Variants in RARB observed in about 807,000 individuals in gnomAD.
RARB encodes HBV-activated protein.
In RARB, 17 loss-of-function variants were observed where a neutral mutation model predicts 51.9. The observed-to-expected ratio is 0.33, with a 90% CI of 0.22 to 0.49. The LOEUF (loss-of-function observed/expected upper bound fraction) is 0.49. Ranked by LOEUF, RARB falls within the 20% of genes least tolerant of loss-of-function variation. RARB has a pLI of 0.99. For synonymous variants in RARB, 215 were observed against 195.4 expected, an observed-to-expected ratio of 1.10 and a Z score of -0.84; for missense variants, 369 against 550.8, an observed-to-expected ratio of 0.67 and a Z score of 3.30.
At chr3:25,302,740 G>A (rs962444884) in intron 5 of RARB, among the ~76,000 whole-genome samples, 1 of 152,186 alleles carries the variant, frequency 6.6e-6, no homozygotes, top group African/African-American at 2.4e-5. Context: ...ACTATGAAAG[G>A]GTGAATTTTA....
At chr3:25,412,529 T>C (rs1412700863) in intron 5 of RARB, among the ~76,000 whole-genome samples, 1 of 152,242 alleles carries the variant, frequency 6.6e-6, no homozygotes, top group Non-Finnish European at 1.5e-5. Flanking sequence ...TTCTCCAACT[T>C]TCTCAGTTAT....
chr3:25,160,169 A>G (rs2125346051), intron 4 of RARB, among the ~76,000 whole-genome samples: 1 of 152,342 alleles, frequency 6.6e-6, no homozygotes, highest in African/African-American at 2.4e-5. Flanking sequence ...TCTATCATAT[A>G]TTATCTCTAG....
rs199516505 is a variant in RARB at position 24,990,125 on chromosome 3, C to CT, written c.-379-69988dup. Among the ~76,000 whole-genome samples the CT allele has an allele frequency of 4.0e-4, 35 of 87,654 alleles. 4 individuals carry two copies. The highest frequency in any genetic ancestry group is 5.1e-3 in the Middle Eastern group (1 of 198). The allele number at this position is 87,654 out of a possible 152,430, so 57.5% of individuals were successfully genotyped here. ...TTCTTTTTAATATAATGGAACTTTT[C>CT]TTTTTTTTTTTTGTTATTTCACTAT... On this transcript the variant is annotated intron_variant, in intron 2 of 11. Transcript: ENST00000383772.
In RARB at chr3:25,106,356, G is replaced by C. The variant is rs536423036; in HGVS notation, c.-327-25805G>C. Among the ~76,000 whole-genome samples, 16 of 146,532 alleles carry C rather than the reference G, an allele frequency of 1.1e-4. No individual in the cohort carries two copies. The South Asian group carries it at 3.5e-3, about 32-fold the overall frequency. On this transcript the variant is annotated intron_variant, in intron 3 of 11. Coordinates refer to the RARB transcript ENST00000383772. ...AGTGGTGCAATTGCAGCTCACTGCA[G>C]CCTTGACCCCTCAGATTCAGGTGAT...
chr3:25,176,980 G>A (rs1700767434), intron 5 of RARB, among the ~76,000 whole-genome samples: 7 of 152,146 alleles, frequency 4.6e-5, no homozygotes, highest in Admixed American at 4.6e-4. Flanking sequence ...TTTTTCTTGA[G>A]GGCCTTGTAA....
chr3:25,366,842 C>G (rs1400497183), intron 5 of RARB, among the ~76,000 whole-genome samples: 1 of 152,120 alleles, frequency 6.6e-6, no homozygotes, highest in African/African-American at 2.4e-5. Flanking sequence ...TGTTCATGGG[C>G]CTCATTTTAC....
intron 5 of RARB, among the ~76,000 whole-genome samples, chr3:25,418,820 T>G (rs919445752): frequency 6.6e-6 from 1 of 152,056 alleles, no homozygotes; most frequent in African/African-American, 2.4e-5. Context: ...AAAGGATTAT[T>G]TCTGAAGGCA....
intron 2 of RARB, among the ~76,000 whole-genome samples, chr3:24,902,918 G>C (rs1426712896): frequency 6.6e-6 from 1 of 152,004 alleles, no homozygotes; most frequent in Non-Finnish European, 1.5e-5. Flanking sequence ...GAAAGTATTT[G>C]ATTATCTTTA....
At chr3:25,131,298 T>A (rs1158275460) in intron 3 of RARB, among the ~76,000 whole-genome samples, 1 of 152,042 alleles carries the variant, frequency 6.6e-6, no homozygotes, top group African/African-American at 2.4e-5. Context: ...TCATTTTGTG[T>A]TTAGCTGGAG....
intron 2 of RARB, among the ~76,000 whole-genome samples, chr3:24,880,665 T>C (rs945405720): frequency 2.6e-5 from 4 of 152,140 alleles, no homozygotes; most frequent in Non-Finnish European, 4.4e-5. Flanking sequence ...GTAAGAATTT[T>C]CTTCATAGAC....
intron 5 of RARB, among the ~76,000 whole-genome samples, chr3:25,397,271 C>T (rs1381836640): frequency 6.6e-6 from 1 of 152,150 alleles, no homozygotes; most frequent in African/African-American, 2.4e-5. Flanking sequence ...ATTTGTTTGA[C>T]TTCTAGGTAA....
At chr3:25,236,703 A>G (rs937140677) in intron 5 of RARB, among the ~76,000 whole-genome samples, 2 of 152,078 alleles carry the variant, frequency 1.3e-5, no homozygotes, top group Non-Finnish European at 2.9e-5. Context: ...ACATTAATGT[A>G]TGTCTGCTGC....
At chr3:25,199,608 A>C (rs531398009) in intron 5 of RARB, among the ~76,000 whole-genome samples, 63 of 152,108 alleles carry the variant, frequency 4.1e-4, no homozygotes, top group Admixed American at 1.2e-3. Context: ...CCCCGACACC[A>C]CAACAGGCAC....
intron 5 of RARB, among the ~76,000 whole-genome samples, chr3:25,232,612 T>C (rs540845100): frequency 6.6e-6 from 1 of 152,282 alleles, no homozygotes; most frequent in African/African-American, 2.4e-5. Flanking sequence ...TGTCTAAGTA[T>C]CAATGCTATT....
intron 5 of RARB, among the ~76,000 whole-genome samples, chr3:25,287,540 C>A (rs147512685): frequency 4.7e-4 from 72 of 152,194 alleles, no homozygotes; most frequent in African/African-American, 1.7e-3. Context: ...CTGGTCCACA[C>A]ACAGACAGAC....
chr3:25,118,868 C>CT (rs1699733774), intron 3 of RARB, among the ~76,000 whole-genome samples: 1 of 152,018 alleles, frequency 6.6e-6, no homozygotes, highest in Non-Finnish European at 1.5e-5. Context: ...TAAGGTATAA[C>CT]TTTAATTTTT....
chr3:25,427,035 T>G (rs575571300), upstream of RARB, among the ~76,000 whole-genome samples: 37 of 152,360 alleles, frequency 2.4e-4, no homozygotes, highest in South Asian at 7.7e-3. Context: ...ACTGTCATAC[T>G]TAAACCAGTT....
chr3:24,894,429 T>C (rs1425949441), intron 2 of RARB, among the ~76,000 whole-genome samples: 1 of 152,170 alleles, frequency 6.6e-6, no homozygotes, highest in African/African-American at 2.4e-5. Context: ...TCCATATTGC[T>C]ACAAAGGACA....
intron 5 of RARB, among the ~76,000 whole-genome samples, chr3:25,255,494 A>C (rs1702842904): frequency 6.6e-6 from 1 of 152,162 alleles, no homozygotes; most frequent in African/African-American, 2.4e-5. Context: ...TTGAGCTTCG[A>C]GTTTGAAGCA....
Sources: gnomAD v4.1 joint callset for allele counts (sites outside exome capture counted in the v4.1 genomes callset) on GRCh38, gnomAD v4.1.1 for gene constraint, MANE v1.5 for transcripts, NCBI Gene and HGNC (gene_info 2026-07-23, HGNC 2026-07-21) for gene names.